The following PHF7 variants were observed in gnomAD, a reference collection of about 807,000 sequenced individuals.
PHF7 encodes the protein E3 ubiquitin-protein ligase PHF7.
A neutral mutation model predicts 47.5 loss-of-function variants in PHF7; 24 were observed. The ratio of observed to expected loss-of-function variants is 0.51; its 90% CI spans 0.37 to 0.71. The LOEUF is 0.71. Ranked by LOEUF, PHF7 falls within the 30% of genes least tolerant of loss-of-function variation. The pLI is 0.00. For synonymous variants in PHF7, 156 were observed against 153.8 expected, an observed-to-expected ratio of 1.01 and a Z score of -0.11; for missense variants, 361 against 456.8, an observed-to-expected ratio of 0.79 and a Z score of 1.91.
intron 5 of PHF7, 27 bp from the exon 6 acceptor site, chr3:52,420,284 G>T: frequency 6.2e-7 from 1 of 1,612,950 alleles, no homozygotes; most frequent in South Asian, 1.1e-5. Flanking sequence ...TTGGGGTCCT[G>T]AGCACTGTCT....
At chr3:52,421,545 ACT>A (rs1705790685) in intron 7 of PHF7, 101 bp from the exon 8 acceptor site, 1 of 749,512 alleles carries the variant, frequency 1.3e-6, no homozygotes, top group Non-Finnish European at 2.4e-6. Flanking sequence ...GTACCCTCAA[ACT>A]CTCTTAGCAA....
At chr3:52,414,307 TGTAACCA>T (rs1705554639) in intron 3 of PHF7, among the ~76,000 whole-genome samples, 182 bp from the exon 4 acceptor site, 1 of 152,212 alleles carries the variant, frequency 6.6e-6, no homozygotes, top group Non-Finnish European at 1.5e-5. Context: ...ACTTTTTCAT[TGTAACCA>T]GAATTATGTG....
At chr3:52,415,030 C>A (rs1017262092) in intron 4 of PHF7, among the ~76,000 whole-genome samples, 1 of 151,964 alleles carries the variant, frequency 6.6e-6, no homozygotes, top group Non-Finnish European at 1.5e-5. Flanking sequence ...GGTATAAAAT[C>A]TTGACAGTAT....
intron 5 of PHF7, 54 bp downstream of exon 5, chr3:52,419,988 C>A: frequency 2.0e-6 from 2 of 983,790 alleles, no homozygotes; most frequent in Non-Finnish European, 1.5e-6. Context: ...CATACCTCAC[C>A]CATCATTCCT....
chr3:52,412,431 GAAAC>G (rs2153228870), intron 1 of PHF7, among the ~76,000 whole-genome samples: 1 of 152,290 alleles, frequency 6.6e-6, no homozygotes, highest in South Asian at 2.1e-4. Flanking sequence ...TAGGCACAAA[GAAAC>G]AACCATTTAG....
At position 52,418,528 on chromosome 3, in the gene PHF7, C is replaced by T. The variant is rs148799847; in HGVS notation, c.187-1305C>T. On this transcript the variant is annotated intron_variant, in intron 4 of 10. Coordinates refer to ENST00000327906, the MANE Select transcript of PHF7 (RefSeq NM_016483.7). ...ATAATTAGTTTTAAAATATGTGTTT[C>T]AAAAGTTCAATTCCTTCCCCCATAA... 3.5e-3 allele frequency among the ~76,000 whole-genome samples: 532 copies of T among 152,274 alleles called. 4 individuals carry two copies. Among genetic ancestry groups the T allele is most frequent in the Middle Eastern group, 6.8e-3 (2 of 292 alleles).
intron 4 of PHF7, among the ~76,000 whole-genome samples, chr3:52,418,111 TA>T (rs1384722910): frequency 6.6e-6 from 1 of 152,228 alleles, no homozygotes; most frequent in African/African-American, 2.4e-5. Context: ...ATTCTTGGTA[TA>T]AACTCTACTT....
At chr3:52,422,147 C>G (rs892767211) in intron 8 of PHF7, 75 bp from the exon 9 acceptor site, 3 of 1,022,752 alleles carry the variant, frequency 2.9e-6, no homozygotes, top group Non-Finnish European at 4.7e-6. Flanking sequence ...TTGGGCTCTT[C>G]CTAACTCCTC....
chr3:52,419,992 C>T, intron 5 of PHF7, 58 bp downstream of exon 5: 1 of 969,738 alleles, frequency 1.0e-6, no homozygotes, highest in Non-Finnish European at 1.6e-6. Flanking sequence ...CCTCACCCAT[C>T]ATTCCTGTTT....
chr3:52,411,986 C>T (rs535731410), intron 1 of PHF7, among the ~76,000 whole-genome samples: 1 of 152,184 alleles, frequency 6.6e-6, no homozygotes, highest in African/African-American at 2.4e-5. Context: ...GAGGCTGAGG[C>T]GGGAGGATCA....
chr3:52,419,875 G>A lies in PHF7; in HGVS notation c.229G>A (p.Gly77Ser). The A allele has an allele frequency of 6.2e-7, 1 of 1,610,494 alleles. No homozygotes were observed. Reference protein sequence around the residue: ...KLPQRGQSNRGFHGFLPEDIK... With the variant: ...KLPQRGQSNRSFHGFLPEDIK... Reference sequence around the variant, plus strand: ...GCCTCAGAGGGGCCAGTCCAACAGAGGCTTCCATGGATTTCTGCCTGAAGA... The same window carrying A: ...GCCTCAGAGGGGCCAGTCCAACAGAAGCTTCCATGGATTTCTGCCTGAAGA... The change falls in exon 5 of 11, where the codon GGC (glycine) becomes AGC (serine). Residue 77 changes from glycine to serine, a missense_variant. Physicochemically the swap from Gly to Ser is moderately conservative, Grantham distance 56. Coordinates refer to ENST00000327906, the MANE Select transcript of PHF7 (RefSeq NM_016483.7).
intron 9 of PHF7, 65 bp downstream of exon 9, chr3:52,422,403 C>A: frequency 9.7e-7 from 1 of 1,036,194 alleles, no homozygotes; most frequent in Non-Finnish European, 1.5e-6. Flanking sequence ...GACCTTGGCA[C>A]AGTTATTAGA....
intron 3 of PHF7, 101 bp from the exon 4 acceptor site, chr3:52,414,393 GTA>G: frequency 1.4e-6 from 1 of 725,664 alleles, no homozygotes; most frequent in South Asian, 1.7e-5. Context: ...CCTTTTCCTA[GTA>G]TTCTACTCCT....
At chr3:52,422,550 G>T in intron 9 of PHF7, 1 of 652,772 alleles carries the variant, frequency 1.5e-6, no homozygotes, top group Non-Finnish European at 2.7e-6. Flanking sequence ...GCCCAGTGGA[G>T]AGACATTCAG....
chr3:52,419,524 G>A (rs1705721999), intron 4 of PHF7, among the ~76,000 whole-genome samples: 1 of 150,736 alleles, frequency 6.6e-6, no homozygotes, highest in South Asian at 2.1e-4. Flanking sequence ...CCACCCTCTC[G>A]GGTTCACGCC....
At chr3:52,418,391 A>C (rs1012273508) in intron 4 of PHF7, among the ~76,000 whole-genome samples, 2 of 152,326 alleles carry the variant, frequency 1.3e-5, no homozygotes, top group African/African-American at 4.8e-5. Context: ...ATATAGATAT[A>C]GTTTTTTCTT....
In PHF7 at chr3:52,423,541, C is replaced by T. The variant is rs1705863354; in HGVS notation, c.*224C>T. On this transcript the variant is annotated 3_prime_UTR_variant, in exon 11 of 11. Transcript: ENST00000327906. ...ACAAGAGTGCCTCTGCTTTCTCCTCCTCTCCTCCCACCAAGGATTCTTCCA... is the reference window on the plus strand; with the variant it reads ...ACAAGAGTGCCTCTGCTTTCTCCTCTTCTCCTCCCACCAAGGATTCTTCCA... 2.2e-6 allele frequency: 1 copy of T among 451,876 alleles called. No individual in the cohort carries two copies. Among genetic ancestry groups the T allele is most frequent in the Non-Finnish European group, 3.9e-6 (1 of 253,634 alleles). 28.0% of individuals were successfully genotyped at this position (451,876 alleles called of 1,614,324 possible). A position where few individuals can be genotyped will look rare whatever the true frequency, so the allele number is the denominator to read the frequency against.
Position 52,420,921 on chromosome 3 carries a change from T to G in PHF7, c.432T>G (p.His144Gln). Reference sequence around the variant, plus strand: ...GCCACAGATCATTTTGTGACAAACATCGCCCAACACAGAACATCCAACATG... The same window carrying G: ...GCCACAGATCATTTTGTGACAAACAGCGCCCAACACAGAACATCCAACATG... ...FGEYKSFCDKHRPTQNIQHGH... is the reference protein window; with the variant it reads ...FGEYKSFCDKQRPTQNIQHGH... The change falls in exon 7 of 11, where the codon CAT becomes CAG. Residue 144 changes from histidine to glutamine, a missense_variant. By Grantham distance (24) the His-to-Gln change is conservative. Coordinates refer to ENST00000327906, the MANE Select transcript of PHF7 (RefSeq NM_016483.7). 6.2e-7 allele frequency: 1 copy of G among 1,609,356 alleles called. No homozygotes were observed. The highest frequency in any genetic ancestry group is 8.5e-7 in the Non-Finnish European group (1 of 1,178,260).
intron 7 of PHF7, 50 bp downstream of exon 7, chr3:52,421,112 G>T (rs1216879813): frequency 1.3e-6 from 2 of 1,506,644 alleles, no homozygotes. Context: ...CTAGTTCTCT[G>T]CCTGGAACCA....
Sources: gnomAD v4.1 joint callset for allele counts (sites outside exome capture counted in the v4.1 genomes callset) on GRCh38, gnomAD v4.1.1 for gene constraint, MANE v1.5 for transcripts, NCBI Gene and HGNC (gene_info 2026-07-23, HGNC 2026-07-21) for gene names.